Variants in TCF7L1 observed in about 807,000 individuals in gnomAD.
The protein encoded by TCF7L1 is transcription factor 7 like 1, also known as transcription factor 7-like 1.
In TCF7L1, 18 loss-of-function variants were observed where a neutral mutation model predicts 63.7. The ratio of observed to expected loss-of-function variants is 0.28; its 90% CI spans 0.20 to 0.42. The LOEUF is 0.42. Among genes scored for constraint, TCF7L1 ranks in the 10% least tolerant of loss-of-function variants. The pLI is 1.00. For missense variants in TCF7L1, 654 were observed against 779.3 expected (o/e 0.84, Z 1.91); for synonymous variants, 355 against 340.9 (o/e 1.04, Z -0.46).
intron 3 of TCF7L1, among the ~76,000 whole-genome samples, chr2:85,135,948 C>A (rs1325773707): frequency 6.6e-6 from 1 of 151,062 alleles, no homozygotes; most frequent in African/African-American, 2.4e-5. Flanking sequence ...GGGGGATCAA[C>A]GAGCTGCTGC....
chr2:85,137,062 T>C (rs1677611702), intron 3 of TCF7L1, among the ~76,000 whole-genome samples: 2 of 152,186 alleles, frequency 1.3e-5, no homozygotes. Flanking sequence ...GCCTCTAAAC[T>C]GCACCACTTT....
intron 4 of TCF7L1, among the ~76,000 whole-genome samples, chr2:85,285,612 C>T (rs565492811): frequency 6.6e-6 from 1 of 152,344 alleles, no homozygotes; most frequent in East Asian, 1.9e-4. Context: ...GCCCAGAGTC[C>T]CACTTGGGAT....
intron 3 of TCF7L1, among the ~76,000 whole-genome samples, chr2:85,147,435 A>C (rs1200649862): frequency 6.6e-6 from 1 of 151,956 alleles, no homozygotes; most frequent in Non-Finnish European, 1.5e-5. Flanking sequence ...GGGAACCCAA[A>C]CCCCAGCACC....
intron 3 of TCF7L1, among the ~76,000 whole-genome samples, chr2:85,144,719 C>G (rs59412890): frequency 0.51 from 71,534 of 140,182 alleles, 17,897 homozygotes; most frequent in East Asian, 0.81. Context: ...CTCTCTCTCT[C>G]TGTGTGTGTG....
intron 3 of TCF7L1, among the ~76,000 whole-genome samples, chr2:85,159,152 G>A (rs189374366): frequency 6.6e-5 from 10 of 152,268 alleles, no homozygotes; most frequent in South Asian, 4.2e-4. Flanking sequence ...GTCTTGGACC[G>A]AGAGAGATTG....
chr2:85,276,379 C>T (rs912306427), intron 3 of TCF7L1, among the ~76,000 whole-genome samples: 5 of 152,180 alleles, frequency 3.3e-5, no homozygotes, highest in East Asian at 3.9e-4. Context: ...GAGAAGCAGG[C>T]GTTGCCCATG....
intron 4 of TCF7L1, among the ~76,000 whole-genome samples, chr2:85,289,024 T>TTCCCC (rs759744964): frequency 2.0e-5 from 3 of 152,244 alleles, no homozygotes; most frequent in Non-Finnish European, 4.4e-5. Context: ...TTAATACCCC[T>TTCCCC]TCTCTACCCA....
intron 3 of TCF7L1, among the ~76,000 whole-genome samples, chr2:85,199,162 G>T (rs1377352391): frequency 6.6e-6 from 1 of 152,126 alleles, no homozygotes; most frequent in East Asian, 1.9e-4. Context: ...TGATGGTTCA[G>T]GCTGGAGTAA....
intron 4 of TCF7L1, among the ~76,000 whole-genome samples, chr2:85,291,839 A>G (rs1364473393): frequency 1.3e-5 from 2 of 151,840 alleles, no homozygotes; most frequent in South Asian, 4.1e-4. Context: ...CCAAGTAGCT[A>G]GGACTACAGG....
At chr2:85,211,475 T>C (rs1679538635) in intron 3 of TCF7L1, among the ~76,000 whole-genome samples, 1 of 152,254 alleles carries the variant, frequency 6.6e-6, no homozygotes, top group Non-Finnish European at 1.5e-5. Flanking sequence ...CATCCAGTGC[T>C]GGCTCGTAGT....
rs1406534165 is a variant in TCF7L1 at position 85,307,702 on chromosome 2, G to A, written c.1318G>A (p.Val440Ile). The A allele has an allele frequency of 6.2e-7, 1 of 1,613,628 alleles. No individual in the cohort carries two copies. The highest frequency in any genetic ancestry group is 8.5e-7 in the Non-Finnish European group (1 of 1,180,006). The change falls in exon 11 of 12, where the codon GTC (valine) becomes ATC (isoleucine). Residue 440 changes from valine to isoleucine, a missense_variant. Val to Ile is a conservative substitution (Grantham distance 29). Transcript: ENST00000282111. ...QLSQTQSQQQ[V>I]QEAEGALASK... ...GTCCCAGACACAGTCACAGCAGCAAGTCCAGGAGGCAGAGGGTGCGTCTCG... is the reference window on the plus strand; with the variant it reads ...GTCCCAGACACAGTCACAGCAGCAAATCCAGGAGGCAGAGGGTGCGTCTCG...
rs750002994 is a variant in TCF7L1, at chr2:85,153,340, A to ATGTTTTTTTTTTT, written c.441+18891_441+18892insGTTTTTTTTTTTT. On this transcript the variant is annotated intron_variant, in intron 3 of 11. Coordinates refer to ENST00000282111, the MANE Select transcript of TCF7L1 (RefSeq NM_031283.3). The stretch of plus-strand genomic sequence containing the variant: ...TTCATGATCTTGCTAGCCTTTATAA[A>ATGTTTTTTTTTTT]TTTTTTTTTTTTTTTTTTTGAGATG... 2.0e-5 allele frequency among the ~76,000 whole-genome samples: 2 copies of ATGTTTTTTTTTTT among 102,304 alleles called. 1 individual carries two copies. The highest frequency in any genetic ancestry group is 3.6e-5 in the Non-Finnish European group (2 of 55,234). 67.1% of individuals were successfully genotyped at this position (102,304 alleles called of 152,430 possible). A position where few individuals can be genotyped will look rare whatever the true frequency, so the allele number is the denominator to read the frequency against.
chr2:85,255,046 A>T (rs568506776), intron 3 of TCF7L1, among the ~76,000 whole-genome samples: 11 of 152,168 alleles, frequency 7.2e-5, no homozygotes, highest in Non-Finnish European at 1.3e-4. Context: ...TACTTGGTGA[A>T]GCAGCATACA....
intron 3 of TCF7L1, among the ~76,000 whole-genome samples, chr2:85,270,497 A>G (rs1370432712): frequency 6.6e-6 from 1 of 152,204 alleles, no homozygotes; most frequent in Non-Finnish European, 1.5e-5. Context: ...GAGAATAAAT[A>G]GATTGCACCT....
chr2:85,212,255 G>A (rs1207052772), intron 3 of TCF7L1, among the ~76,000 whole-genome samples: 1 of 152,152 alleles, frequency 6.6e-6, no homozygotes, highest in African/African-American at 2.4e-5. Flanking sequence ...TCTGGGCTGA[G>A]TGGGGCTGGG....
intron 3 of TCF7L1, among the ~76,000 whole-genome samples, chr2:85,272,850 G>T (rs1345627438): frequency 1.3e-5 from 2 of 152,184 alleles, no homozygotes; most frequent in African/African-American, 4.8e-5. Flanking sequence ...CACCCAAAAG[G>T]CATGCAGAAC....
rs564982271 is a variant in TCF7L1 at position 85,245,848 on chromosome 2, A to C, written c.442-37647A>C. ...ATTAATTAATTAAAAAAAAAAAAAA[A>C]CAGACCAACAGTTGCCCATAGACCA... On this transcript the variant is annotated intron_variant, in intron 3 of 11. Transcript: ENST00000282111. Among the ~76,000 whole-genome samples, 264 of 151,088 alleles carry C rather than the reference A, an allele frequency of 1.7e-3. 1 individual carries two copies. Among genetic ancestry groups the C allele is most frequent in the Middle Eastern group, 0.014 (4 of 292 alleles).
chr2:85,147,293 G>C (rs1263245549), intron 3 of TCF7L1, among the ~76,000 whole-genome samples: 1 of 152,122 alleles, frequency 6.6e-6, no homozygotes, highest in Admixed American at 6.6e-5. Context: ...TTTTCGTGGG[G>C]GGTCCGGGTA....
intron 4 of TCF7L1, among the ~76,000 whole-genome samples, chr2:85,296,705 C>G (rs909101780): frequency 6.6e-6 from 1 of 152,182 alleles, no homozygotes; most frequent in Non-Finnish European, 1.5e-5. Context: ...CTTTGAAATT[C>G]TTACTCATGT....
Sources: allele counts gnomAD v4.1 joint callset (sites outside exome capture counted in the v4.1 genomes callset), GRCh38; gene constraint gnomAD v4.1.1; transcripts MANE v1.5; gene names NCBI Gene and HGNC (gene_info 2026-07-23, HGNC 2026-07-21).